The following RB1CC1 variants were observed in gnomAD, a reference collection of about 807,000 sequenced individuals.
RB1CC1 encodes RB1-inducible coiled-coil protein 1.
Under a neutral mutation model 177.5 loss-of-function variants are expected in RB1CC1, and 46 were observed. The ratio of observed to expected loss-of-function variants is 0.26; its 90% CI spans 0.20 to 0.33. The LOEUF is 0.33. RB1CC1 is among the 10% of genes least tolerant of loss of function. The pLI is 1.00. For synonymous variants in RB1CC1, 666 were observed against 613.6 expected, an observed-to-expected ratio of 1.09 and a Z score of -1.26; for missense variants, 1,703 against 1,816.3, an observed-to-expected ratio of 0.94 and a Z score of 1.13.
chr8:52,654,291 T>A (rs1035765262), intron 15 of RB1CC1, among the ~76,000 whole-genome samples: 1 of 152,198 alleles, frequency 6.6e-6, no homozygotes, highest in African/African-American at 2.4e-5. Flanking sequence ...TATGATCTCA[T>A]ATGCACTGCA....
At chr8:52,681,314 T>G (rs1037314985) in intron 5 of RB1CC1, among the ~76,000 whole-genome samples, 4 of 152,188 alleles carry the variant, frequency 2.6e-5, no homozygotes, top group Non-Finnish European at 5.9e-5. Flanking sequence ...ATCAATGTGT[T>G]CATTGTGAAA....
chr8:52,644,221 C>G (rs1162060044), intron 16 of RB1CC1, among the ~76,000 whole-genome samples: 1 of 152,062 alleles, frequency 6.6e-6, no homozygotes, highest in African/African-American at 2.4e-5. Flanking sequence ...CTATACAGAG[C>G]TAGGTACAAA....
intron 19 of RB1CC1, among the ~76,000 whole-genome samples, chr8:52,635,491 C>T (rs563044045): frequency 2.6e-5 from 4 of 152,198 alleles, no homozygotes; most frequent in Admixed American, 2.6e-4. Context: ...AATCTATGAA[C>T]AATGATCTGC....
intron 1 of RB1CC1, among the ~76,000 whole-genome samples, chr8:52,696,208 C>A (rs1363739748): frequency 1.3e-5 from 2 of 152,132 alleles, no homozygotes; most frequent in Non-Finnish European, 2.9e-5. Context: ...CCACGCCCGG[C>A]TAATTTTTGT....
intron 15 of RB1CC1, among the ~76,000 whole-genome samples, chr8:52,648,737 C>T (rs894057333): frequency 6.6e-6 from 1 of 152,158 alleles, no homozygotes. Context: ...TGGGCTCCTC[C>T]TGCACAGTTT....
chr8:52,689,247 C>A (rs1854586999), intron 1 of RB1CC1, among the ~76,000 whole-genome samples: 1 of 152,184 alleles, frequency 6.6e-6, no homozygotes, highest in African/African-American at 2.4e-5. Flanking sequence ...TTCACCCAAT[C>A]TCTCACATAT....
chr8:52,694,310 G>A lies in RB1CC1; in HGVS notation c.-166-7343C>T, dbSNP rs550028569. ...CAGGAAGAAGAGGAGGGTGATTCAG[G>A]ATCTGCTCTCAAAGCAGAAAATAAC... is the stretch of plus-strand genomic sequence containing the variant. On this transcript the variant is annotated intron_variant, in intron 1 of 23. Transcript: ENST00000025008. Among the ~76,000 whole-genome samples the A allele has an allele frequency of 3.3e-5, 5 of 152,288 alleles. No homozygotes were observed. In the South Asian group the frequency reaches 1.0e-3, roughly 32 times the overall value.
intron 15 of RB1CC1, among the ~76,000 whole-genome samples, chr8:52,652,748 A>G (rs1283723546): frequency 6.6e-6 from 1 of 152,124 alleles, no homozygotes; most frequent in Non-Finnish European, 1.5e-5. Context: ...AATTTTTACT[A>G]TCTGGACCTT....
intron 12 of RB1CC1, 97 bp downstream of exon 12, chr8:52,660,499 C>T: frequency 1.7e-6 from 2 of 1,183,952 alleles, no homozygotes; most frequent in Non-Finnish European, 1.2e-6. Flanking sequence ...TTTTAAACCA[C>T]AACAATTTCT....
At chr8:52,651,907 A>T (rs1012130400) in intron 15 of RB1CC1, among the ~76,000 whole-genome samples, 1 of 152,094 alleles carries the variant, frequency 6.6e-6, no homozygotes, top group African/African-American at 2.4e-5. Flanking sequence ...TGTTAAGATT[A>T]TGAGAAAATC....
In RB1CC1 at chr8:52,657,581, G is replaced by A; in HGVS notation, c.2248C>T (p.Pro750Ser). Residue 750 changes from proline to serine, a missense_variant, in exon 15 of 24, where the codon CCT becomes TCT. Physicochemically the swap from Pro to Ser is moderately conservative, Grantham distance 74. Coordinates refer to ENST00000025008, the MANE Select transcript of RB1CC1 (RefSeq NM_014781.5). ...TCTGGGCTTTGTGGATCACTTATAG[G>A]ATTAGGAGACGACAAATTTTCTTCT... ...VIEENLSSPN[P>S]ISDPQSPEMM... is the part of the protein sequence containing the mutation. 1.2e-6 allele frequency: 2 copies of A among 1,614,028 alleles called. No individual in the cohort carries two copies. The highest frequency in any genetic ancestry group is 2.2e-5 in the South Asian group (2 of 91,078).
intron 18 of RB1CC1, among the ~76,000 whole-genome samples, chr8:52,641,923 A>G (rs529845817): frequency 1.3e-5 from 2 of 152,102 alleles, no homozygotes; most frequent in Non-Finnish European, 2.9e-5. Context: ...CACGATTTCA[A>G]TGTAATGCAG....
At chr8:52,676,310 T>C (rs1853124096) in intron 6 of RB1CC1, 59 bp downstream of exon 6, 5 of 1,473,946 alleles carry the variant, frequency 3.4e-6, no homozygotes, top group Non-Finnish European at 3.7e-6. Context: ...TAATTAAACC[T>C]ACTGATAAAT....
intron 7 of RB1CC1, among the ~76,000 whole-genome samples, chr8:52,671,856 G>A (rs1461139950): frequency 2.0e-5 from 3 of 151,824 alleles, no homozygotes; most frequent in South Asian, 2.1e-4. Flanking sequence ...CCTCCTGATA[G>A]AGTAAGTAAA....
At chr8:52,638,384 C>T (rs1025833740) in intron 18 of RB1CC1, among the ~76,000 whole-genome samples, 6 of 151,920 alleles carry the variant, frequency 3.9e-5, no homozygotes, top group Non-Finnish European at 5.9e-5. Flanking sequence ...AGTATTTTGC[C>T]GATAATATTT....
At chr8:52,649,945 G>A (rs758323942) in intron 15 of RB1CC1, among the ~76,000 whole-genome samples, 3 of 152,248 alleles carry the variant, frequency 2.0e-5, no homozygotes, top group South Asian at 2.1e-4. Flanking sequence ...CAAGTGGACC[G>A]AACAGTATCT....
intron 15 of RB1CC1, among the ~76,000 whole-genome samples, chr8:52,651,718 A>T (rs931628236): frequency 2.0e-5 from 3 of 152,172 alleles, no homozygotes; most frequent in Non-Finnish European, 4.4e-5. Flanking sequence ...AGTGGGGAGG[A>T]AAAAGGGGAG....
intron 23 of RB1CC1, 78 bp from the exon 24 acceptor site, chr8:52,623,937 C>CCA: frequency 2.2e-6 from 2 of 924,366 alleles, no homozygotes; most frequent in South Asian, 2.8e-5. Flanking sequence ...CACACACACC[C>CCA]AAAAAACAAA....
Position 52,661,214 on chromosome 8 carries a change from C to T in RB1CC1, c.1426G>A (p.Val476Ile), listed in dbSNP as rs746797101. Residue 476 changes from valine to isoleucine, a missense_variant, in exon 10 of 24, where the codon GTA becomes ATA. Physicochemically the swap from Val to Ile is conservative, Grantham distance 29 (BLOSUM62 3). Around this residue, in one of 6 missense-constraint regions of RB1CC1, gnomAD observed 1,169 missense variants for 1,184.7 expected, o/e 0.99. Coordinates refer to ENST00000025008, the MANE Select transcript of RB1CC1 (RefSeq NM_014781.5). ...TTGACTCTTTCTAACAGCTCTATTA[C>T]GAGGCGGAGCAAAGCTTGTAACTTC... is the stretch of plus-strand genomic sequence containing the variant. ...GEKLQALLRL[V>I]IELLERVKIV... 6.8e-6 allele frequency: 11 copies of T among 1,613,744 alleles called. No homozygotes were observed. Among genetic ancestry groups the T allele is most frequent in the Admixed American group, 3.3e-5 (2 of 59,978 alleles).
Sources: gnomAD v4.1 joint callset for allele counts (sites outside exome capture counted in the v4.1 genomes callset) on GRCh38, gnomAD v4.1.1 for gene constraint, gnomAD v4.1.1 regional missense constraint, MANE v1.5 for transcripts, NCBI Gene and HGNC (gene_info 2026-07-23, HGNC 2026-07-21) for gene names.